The following CNTN6 variants were observed in gnomAD, a reference collection of about 807,000 sequenced individuals.
CNTN6 encodes the protein contactin 6.
In CNTN6, 137 loss-of-function variants were observed where a neutral mutation model predicts 122.8. The ratio of observed to expected loss-of-function variants is 1.12; its 90% CI spans 0.97 to 1.29. The LOEUF is 1.29. Ranked by LOEUF, CNTN6 falls within the 50% of genes most tolerant of loss-of-function variation. The pLI is 0.00. For synonymous variants in CNTN6, 570 were observed against 426.0 expected (o/e 1.34, Z -4.16); for missense variants, 1,634 against 1,223.4 (o/e 1.34, Z -5.01).
Position 1,295,620 on chromosome 3 carries a change from C to T in CNTN6, c.474C>T (p.Thr158=), listed in dbSNP as rs759838195. The T allele has an allele frequency of 3.1e-6, 5 of 1,613,424 alleles. No homozygotes were observed. The highest frequency in any genetic ancestry group is 4.2e-6 in the Non-Finnish European group (5 of 1,179,688). Residue 158 remains threonine (T), a synonymous_variant, in exon 6 of 23, where the codon ACC becomes ACT. Coordinates refer to ENST00000446702, the MANE Select transcript of CNTN6 (RefSeq NM_001289080.2). ...TTTCAGATTTATCTTATGCATGGAC[C>T]TTCAATGATAACCCCTTATACGTCC... ...PHFGDLSYAW[T]FNDNPLYVQE... is the part of the protein sequence containing the mutation.
At chr3:1,125,238 T>A (rs535693357) in intron 1 of CNTN6, among the ~76,000 whole-genome samples, 1 of 152,082 alleles carries the variant, frequency 6.6e-6, no homozygotes, top group East Asian at 1.9e-4. Flanking sequence ...CTATATCTGA[T>A]TTTTTAAAAA....
intron 4 of CNTN6, among the ~76,000 whole-genome samples, chr3:1,247,419 AT>A (rs1162873112): frequency 6.6e-6 from 1 of 151,918 alleles, no homozygotes; most frequent in African/African-American, 2.4e-5. Flanking sequence ...ATAAGTCTTA[AT>A]ATCTGATAGC....
intron 4 of CNTN6, among the ~76,000 whole-genome samples, chr3:1,246,377 A>G (rs1414923470): frequency 6.6e-6 from 1 of 152,132 alleles, no homozygotes; most frequent in Non-Finnish European, 1.5e-5. Context: ...AGGTAGCTGT[A>G]GTTCATTTTT....
chr3:1,203,565 A>G (rs768779282), intron 2 of CNTN6, among the ~76,000 whole-genome samples: 2 of 152,220 alleles, frequency 1.3e-5, no homozygotes, highest in Non-Finnish European at 1.5e-5. Flanking sequence ...TAGCTTTCCG[A>G]AGAAGAGCAC....
chr3:1,225,947 C>T (rs991899792), intron 3 of CNTN6, among the ~76,000 whole-genome samples: 5 of 152,112 alleles, frequency 3.3e-5, no homozygotes, highest in African/African-American at 1.2e-4. Flanking sequence ...AGAGGATTAC[C>T]TAAATTCATA....
chr3:1,158,885 T>TAC (rs529969086), intron 2 of CNTN6, among the ~76,000 whole-genome samples: 1 of 128,112 alleles, frequency 7.8e-6, no homozygotes, highest in South Asian at 2.3e-4. Flanking sequence ...TACACATATA[T>TAC]ACACACATAT....
intron 2 of CNTN6, among the ~76,000 whole-genome samples, chr3:1,163,414 C>T (rs1159094960): frequency 6.6e-6 from 1 of 152,106 alleles, no homozygotes; most frequent in Non-Finnish European, 1.5e-5. Flanking sequence ...CCCTCATGTG[C>T]CAGCCTTGAA....
intron 1 of CNTN6, among the ~76,000 whole-genome samples, chr3:1,100,825 C>G (rs966183070): frequency 6.6e-6 from 1 of 152,220 alleles, no homozygotes; most frequent in South Asian, 2.1e-4. Context: ...CATTCTTAAG[C>G]TCTCAAAAAA....
intron 4 of CNTN6, among the ~76,000 whole-genome samples, chr3:1,272,288 A>G (rs2095039710): frequency 6.6e-6 from 1 of 152,226 alleles, no homozygotes; most frequent in Non-Finnish European, 1.5e-5. Context: ...TTATCTGGAC[A>G]CATAGAAATT....
intron 4 of CNTN6, among the ~76,000 whole-genome samples, chr3:1,243,112 A>C (rs1187541834): frequency 6.6e-6 from 1 of 152,172 alleles, no homozygotes; most frequent in African/African-American, 2.4e-5. Flanking sequence ...AGTCAGTCAG[A>C]GAGCCTTGGG....
intron 4 of CNTN6, among the ~76,000 whole-genome samples, chr3:1,246,538 T>C (rs2094585372): frequency 6.6e-6 from 1 of 152,186 alleles, no homozygotes; most frequent in Non-Finnish European, 1.5e-5. Context: ...ATTTCTCTGT[T>C]GTATATACCA....
chr3:1,276,998 G>A (rs778511268), intron 4 of CNTN6, among the ~76,000 whole-genome samples: 1 of 152,142 alleles, frequency 6.6e-6, no homozygotes, highest in African/African-American at 2.4e-5. Flanking sequence ...ATCAAAATTT[G>A]TGGAGATTTC....
At chr3:1,400,394 G>C (rs577099677) in intron 20 of CNTN6, among the ~76,000 whole-genome samples, 7 of 151,998 alleles carry the variant, frequency 4.6e-5, no homozygotes, top group Admixed American at 1.3e-4. Context: ...TCGTTTTCTT[G>C]TATGTAAAAT....
At position 1,154,134 on chromosome 3, in the gene CNTN6, A is replaced by G. The variant is rs111753862; in HGVS notation, c.55+6071A>G. ...TATATGATTATCAAACCTTCTTCCAAAGTAATTGATTCTTAAACCTTAAAT... is the reference window on the plus strand; with the variant it reads ...TATATGATTATCAAACCTTCTTCCAGAGTAATTGATTCTTAAACCTTAAAT... On this transcript the variant is annotated intron_variant, in intron 2 of 22. Coordinates refer to ENST00000446702, the MANE Select transcript of CNTN6 (RefSeq NM_001289080.2). Among the ~76,000 whole-genome samples the G allele has an allele frequency of 3.2e-3, 483 of 152,322 alleles. 3 individuals carry two copies. Among genetic ancestry groups the G allele is most frequent in the Middle Eastern group, 0.024 (7 of 294 alleles).
At chr3:1,373,179 G>A (rs1337755282) in intron 14 of CNTN6, among the ~76,000 whole-genome samples, 1 of 152,126 alleles carries the variant, frequency 6.6e-6, no homozygotes, top group Non-Finnish European at 1.5e-5. Context: ...TGACTATCAT[G>A]AACGGTCACG....
chr3:1,245,979 C>T (rs2094578150), intron 4 of CNTN6, among the ~76,000 whole-genome samples: 2 of 152,086 alleles, frequency 1.3e-5, no homozygotes. Context: ...TGTTGGGCCA[C>T]ATTCAAAGCC....
At chr3:1,292,781 T>A (rs1296221067) in intron 5 of CNTN6, among the ~76,000 whole-genome samples, 1 of 152,156 alleles carries the variant, frequency 6.6e-6, no homozygotes, top group Non-Finnish European at 1.5e-5. Context: ...TTTAAAATTA[T>A]AATACGACAG....
intron 7 of CNTN6, among the ~76,000 whole-genome samples, chr3:1,315,156 A>C (rs1699918712): frequency 6.6e-6 from 1 of 151,980 alleles, no homozygotes; most frequent in Non-Finnish European, 1.5e-5. Context: ...CTCCATTCTG[A>C]AGACCCCTTC....
intron 2 of CNTN6, among the ~76,000 whole-genome samples, chr3:1,160,384 G>T (rs1187764410): frequency 2.0e-5 from 2 of 97,850 alleles, no homozygotes; most frequent in African/African-American, 4.1e-5. Flanking sequence ...TACCTATATG[G>T]TCATTTAGTG....
Sources: allele counts gnomAD v4.1 joint callset (sites outside exome capture counted in the v4.1 genomes callset), GRCh38; gene constraint gnomAD v4.1.1; transcripts MANE v1.5; gene names NCBI Gene and HGNC (gene_info 2026-07-23, HGNC 2026-07-21).